HCN1: variants seen among roughly 807,000 people sequenced by gnomAD.
The protein encoded by HCN1 is hyperpolarization activated cyclic nucleotide gated potassium channel 1.
In HCN1, 13 loss-of-function variants were observed where a neutral mutation model predicts 78.9. That is an observed-to-expected ratio of 0.16 (90% confidence interval 0.11 to 0.26). HCN1 has a LOEUF of 0.26. Among genes scored for constraint, HCN1 ranks in the 10% least tolerant of loss-of-function variants. HCN1 has a pLI of 1.00. For missense variants in HCN1, 810 were observed against 1,154.3 expected (o/e 0.70, Z 4.32); for synonymous variants, 552 against 455.5 (o/e 1.21, Z -2.70).
At chr5:45,346,814 G>C (rs1463335670) in intron 5 of HCN1, among the ~76,000 whole-genome samples, 1 of 152,210 alleles carries the variant, frequency 6.6e-6, no homozygotes, top group African/African-American at 2.4e-5. Context: ...GCTGCGGGAG[G>C]GGCACCCTCC....
chr5:45,583,028 T>C (rs1349997223), intron 2 of HCN1, among the ~76,000 whole-genome samples: 2 of 152,110 alleles, frequency 1.3e-5, no homozygotes, highest in South Asian at 2.1e-4. Flanking sequence ...ATCAGGATGA[T>C]GTTGGCCTCA....
At chr5:45,541,144 T>C (rs1743097768) in intron 2 of HCN1, among the ~76,000 whole-genome samples, 1 of 152,204 alleles carries the variant, frequency 6.6e-6, no homozygotes. Context: ...TTGTGGGCTG[T>C]ACTCCACGTA....
chr5:45,405,086 T>C (rs371671078), intron 3 of HCN1, among the ~76,000 whole-genome samples: 94 of 152,236 alleles, frequency 6.2e-4, no homozygotes, highest in African/African-American at 1.9e-3. Flanking sequence ...ATGAGTAGAG[T>C]ATAAATTCTT....
In HCN1 at chr5:45,270,201, C is replaced by G. The variant is rs142301866; in HGVS notation, c.1619-2948G>C. 1.7e-3 allele frequency among the ~76,000 whole-genome samples: 264 copies of G among 152,296 alleles called. 1 individual carries two copies. Among genetic ancestry groups the G allele is most frequent in the African/African-American group, 6.1e-3 (253 of 41,570 alleles). On this transcript the variant is annotated intron_variant, in intron 6 of 7. Transcript: ENST00000303230. Reference sequence around the variant, plus strand: ...CAACAGCATCCAAAGTTTGGGGAGACAGCAAAAGACTTTCTTCCTATATTT... The same window carrying G: ...CAACAGCATCCAAAGTTTGGGGAGAGAGCAAAAGACTTTCTTCCTATATTT...
rs1386179356 is a variant in HCN1, at chr5:45,256,442, A to G, written c.*5479T>C. Reference sequence around the variant, plus strand: ...CCATTGATGTTACATTAGAAATATAATAGCTCCAAAGAATGTTCACCTTTG... The same window carrying G: ...CCATTGATGTTACATTAGAAATATAGTAGCTCCAAAGAATGTTCACCTTTG... On this transcript the variant is annotated 3_prime_UTR_variant, in exon 8 of 8. Transcript: ENST00000303230. 6.6e-6 allele frequency: 1 copy of G among 151,992 alleles called. No individual in the cohort carries two copies. Among genetic ancestry groups the G allele is most frequent in the Non-Finnish European group, 1.5e-5 (1 of 68,004 alleles). 9.4% of individuals were successfully genotyped at this position (151,992 alleles called of 1,614,324 possible).
chr5:45,612,872 C>T (rs1054226336), intron 2 of HCN1, among the ~76,000 whole-genome samples: 1 of 152,002 alleles, frequency 6.6e-6, no homozygotes, highest in Non-Finnish European at 1.5e-5. Flanking sequence ...AGTGTGTGTT[C>T]CAGAGAAACA....
chr5:45,474,985 C>A (rs78509346), intron 2 of HCN1, among the ~76,000 whole-genome samples: 4,731 of 151,982 alleles, frequency 0.031, 284 homozygotes, highest in African/African-American at 0.11. Flanking sequence ...TTCAAAGTGT[C>A]ACCTAGTTTA....
At chr5:45,375,988 A>G (rs548549735) in intron 4 of HCN1, among the ~76,000 whole-genome samples, 1 of 118,012 alleles carries the variant, frequency 8.5e-6, no homozygotes, top group East Asian at 2.4e-4. Flanking sequence ...TATATTATAT[A>G]TGATATAATA....
chr5:45,401,624 TTACTTA>T (rs972817918), intron 3 of HCN1, among the ~76,000 whole-genome samples: 11 of 151,894 alleles, frequency 7.2e-5, no homozygotes, highest in African/African-American at 9.6e-5. Context: ...TTTTTTATAT[TTACTTA>T]TACTTACACG....
chr5:45,436,145 C>T (rs192145266), intron 3 of HCN1, among the ~76,000 whole-genome samples: 11 of 152,304 alleles, frequency 7.2e-5, no homozygotes, highest in African/African-American at 9.6e-5. Flanking sequence ...TGCTGTATGG[C>T]TTCTGTGAAT....
intron 2 of HCN1, among the ~76,000 whole-genome samples, chr5:45,478,361 T>C (rs1741568184): frequency 6.6e-6 from 1 of 152,110 alleles, no homozygotes; most frequent in Admixed American, 6.6e-5. Flanking sequence ...AAAATAAATA[T>C]ATTAATTATG....
At chr5:45,478,849 C>T (rs534352105) in intron 2 of HCN1, among the ~76,000 whole-genome samples, 14 of 152,100 alleles carry the variant, frequency 9.2e-5, no homozygotes, top group African/African-American at 2.9e-4. Flanking sequence ...GAAGGCAGGG[C>T]GTGGTGGCTC....
chr5:45,645,696 G>T, intron 1 of HCN1, 88 bp from the exon 2 acceptor site: 1 of 687,792 alleles, frequency 1.5e-6, no homozygotes, highest in Non-Finnish European at 2.4e-6. Context: ...TATATAGTGA[G>T]ATCAATAAGT....
At position 45,323,000 on chromosome 5, in the gene HCN1, G is replaced by A. The variant is rs145162468; in HGVS notation, c.1378-19161C>T. 6.6e-3 allele frequency among the ~76,000 whole-genome samples: 1,007 copies of A among 151,898 alleles called. 20 individuals carry two copies. Among genetic ancestry groups the A allele is most frequent in the Admixed American group, 0.04 (613 of 15,188 alleles). ...ACACGGCTAGTGTGAGGGAGGAACT[G>A]AGTTTTTAATTTATTTAACGTTAAC... On this transcript the variant is annotated intron_variant, in intron 5 of 7. Transcript: ENST00000303230.
chr5:45,593,291 TTCTCTC>T (rs372080697), intron 2 of HCN1, among the ~76,000 whole-genome samples: 158 of 124,510 alleles, frequency 1.3e-3, no homozygotes, highest in African/African-American at 4.5e-3. Flanking sequence ...TAGAGGTATA[TTCTCTC>T]TCTCTCTCTC....
chr5:45,691,409 C>T (rs1207372479), intron 1 of HCN1, among the ~76,000 whole-genome samples: 1 of 151,892 alleles, frequency 6.6e-6, no homozygotes, highest in Non-Finnish European at 1.5e-5. Flanking sequence ...GAAACATTTG[C>T]TAAAATTTAA....
chr5:45,448,707 A>G (rs1416559515), intron 3 of HCN1, among the ~76,000 whole-genome samples: 2 of 152,198 alleles, frequency 1.3e-5, no homozygotes, highest in African/African-American at 4.8e-5. Context: ...AAATTATTCT[A>G]TTTTTGAAAT....
At chr5:45,685,805 T>C (rs1739797733) in intron 1 of HCN1, among the ~76,000 whole-genome samples, 1 of 152,234 alleles carries the variant, frequency 6.6e-6, no homozygotes, top group African/African-American at 2.4e-5. Context: ...CATCAGGGCT[T>C]CTGCTGCCAG....
chr5:45,509,169 T>C (rs1392374825), intron 2 of HCN1, among the ~76,000 whole-genome samples: 1 of 152,160 alleles, frequency 6.6e-6, no homozygotes, highest in Non-Finnish European at 1.5e-5. Context: ...CATTTTCTGC[T>C]AAATCGATCT....
Sources: allele counts gnomAD v4.1 joint callset (sites outside exome capture counted in the v4.1 genomes callset), GRCh38; gene constraint gnomAD v4.1.1; transcripts MANE v1.5; gene names NCBI Gene and HGNC (gene_info 2026-07-23, HGNC 2026-07-21).